Variants in NALF1 observed in about 807,000 individuals in gnomAD.
NALF1 encodes family with sequence similarity 155 member A.
NALF1 carries 3 observed loss-of-function variants against 48.4 expected under a neutral mutation model. The observed-to-expected ratio is 0.06, with a 90% CI of 0.03 to 0.16. The LOEUF (loss-of-function observed/expected upper bound fraction) is 0.16. Among genes scored for constraint, NALF1 ranks in the 10% least tolerant of loss-of-function variants. The pLI is 1.00. For missense variants in NALF1, 526 were observed against 571.5 expected (o/e 0.92, Z 0.81); for synonymous variants, 262 against 245.7 (o/e 1.07, Z -0.62).
intron 1 of NALF1, among the ~76,000 whole-genome samples, chr13:107,777,959 ATT>A (rs1877785302): frequency 6.6e-6 from 1 of 152,310 alleles, no homozygotes; most frequent in African/African-American, 2.4e-5. Context: ...CCTTTGTGAC[ATT>A]GTTTTTACTT....
chr13:107,731,504 T>G (rs1046820680), intron 1 of NALF1, among the ~76,000 whole-genome samples: 2 of 152,124 alleles, frequency 1.3e-5, no homozygotes, highest in African/African-American at 4.8e-5. Context: ...CACCCAGTAT[T>G]AAGTCTAGTA....
chr13:107,790,848 C>G (rs998734318), intron 1 of NALF1, among the ~76,000 whole-genome samples: 8 of 147,554 alleles, frequency 5.4e-5, no homozygotes, highest in African/African-American at 1.2e-4. Context: ...AAATAAAAAT[C>G]TATAAACATA....
intron 1 of NALF1, among the ~76,000 whole-genome samples, chr13:107,631,206 C>A (rs956766433): frequency 2.6e-5 from 4 of 151,950 alleles, no homozygotes; most frequent in Admixed American, 6.6e-5. Flanking sequence ...CTTTGTTGCC[C>A]AGACTTCAAA....
intron 1 of NALF1, among the ~76,000 whole-genome samples, chr13:107,292,198 C>A (rs974382234): frequency 6.6e-6 from 1 of 151,938 alleles, no homozygotes. Context: ...ATTTGTGTAT[C>A]TAAACATAGA....
At chr13:107,655,434 T>C (rs1880551658) in intron 1 of NALF1, among the ~76,000 whole-genome samples, 1 of 152,012 alleles carries the variant, frequency 6.6e-6, no homozygotes, top group Admixed American at 6.6e-5. Context: ...ATAAAGTACT[T>C]AGGAATATAC....
chr13:107,362,193 C>T lies in NALF1; in HGVS notation c.916-151438G>A, dbSNP rs965653553. Among the ~76,000 whole-genome samples, 2 of 152,224 alleles carry T rather than the reference C, an allele frequency of 1.3e-5. No homozygotes were observed. The highest frequency in any genetic ancestry group is 4.8e-5 in the African/African-American group (2 of 41,532). ...CTGATTCTCCAAATGACAAGGTTAC[C>T]TGATGGTGGGGAAAAACGGGGTCAG... On this transcript the variant is annotated intron_variant, in intron 1 of 2. Transcript: ENST00000375915. The surrounding 1 kb of genome is among the most constrained non-coding windows in gnomAD (Gnocchi z 4.6).
chr13:107,741,406 A>T (rs1392711551), intron 1 of NALF1, among the ~76,000 whole-genome samples: 1 of 152,236 alleles, frequency 6.6e-6, no homozygotes, highest in Non-Finnish European at 1.5e-5. Flanking sequence ...AAGTGAAGAT[A>T]TATAAAGGAT....
At chr13:107,247,952 T>C (rs1019747004) in intron 1 of NALF1, among the ~76,000 whole-genome samples, 2 of 152,088 alleles carry the variant, frequency 1.3e-5, no homozygotes, top group Non-Finnish European at 2.9e-5. Flanking sequence ...CGCATTATGG[T>C]GGCTTAGCAA....
chr13:107,712,986 A>T (rs1273666860), intron 1 of NALF1, among the ~76,000 whole-genome samples: 2 of 152,174 alleles, frequency 1.3e-5, no homozygotes, highest in Non-Finnish European at 2.9e-5. Flanking sequence ...TGTTAACCTG[A>T]CACTGGGGAG....
chr13:107,482,666 TG>T (rs1452770069), intron 1 of NALF1, among the ~76,000 whole-genome samples: 2 of 152,090 alleles, frequency 1.3e-5, no homozygotes, highest in Non-Finnish European at 2.9e-5. Context: ...GCATGGGAAA[TG>T]GTCTTGAATA....
At chr13:107,416,727 G>A (rs374140437) in intron 1 of NALF1, among the ~76,000 whole-genome samples, 1 of 152,138 alleles carries the variant, frequency 6.6e-6, no homozygotes, top group Non-Finnish European at 1.5e-5. Context: ...TTCTGAGGGG[G>A]TCTATCCCCA....
intron 2 of NALF1, among the ~76,000 whole-genome samples, chr13:107,209,784 G>C (rs150338508): frequency 6.6e-6 from 1 of 152,070 alleles, no homozygotes; most frequent in Non-Finnish European, 1.5e-5. Context: ...CTTGAGCCAC[G>C]TAATTCCAGG....
intron 1 of NALF1, among the ~76,000 whole-genome samples, chr13:107,244,351 T>C (rs1020084026): frequency 6.6e-6 from 1 of 152,236 alleles, no homozygotes; most frequent in Non-Finnish European, 1.5e-5. Context: ...GAGTTGTGAA[T>C]TAATGCCACA....
chr13:107,266,888 C>A (rs1881049837), intron 1 of NALF1, among the ~76,000 whole-genome samples: 2 of 152,190 alleles, frequency 1.3e-5, no homozygotes, highest in Non-Finnish European at 2.9e-5. Context: ...GCTGGGCTGT[C>A]TGGCAATGCC....
intron 1 of NALF1, among the ~76,000 whole-genome samples, chr13:107,650,863 G>A (rs564504585): frequency 6.6e-6 from 1 of 152,154 alleles, no homozygotes; most frequent in Admixed American, 6.5e-5. Flanking sequence ...GTAAGTGGGG[G>A]CTAAATGATA....
At chr13:107,761,340 G>C (rs1257447129) in intron 1 of NALF1, among the ~76,000 whole-genome samples, 1 of 147,438 alleles carries the variant, frequency 6.8e-6, no homozygotes, top group African/African-American at 2.5e-5. Context: ...CTGAGCGACA[G>C]AGCAGGACTC....
intron 1 of NALF1, among the ~76,000 whole-genome samples, chr13:107,566,079 A>C (rs1050294490): frequency 6.6e-6 from 1 of 152,220 alleles, no homozygotes; most frequent in Non-Finnish European, 1.5e-5. Flanking sequence ...AATTTACCTC[A>C]GTGTAGGTCA....
chr13:107,826,568 A>C (rs966737722), intron 1 of NALF1, among the ~76,000 whole-genome samples: 19 of 152,230 alleles, frequency 1.2e-4, no homozygotes, highest in Non-Finnish European at 7.3e-5. Flanking sequence ...TTTTAGAAAA[A>C]GAGGATGCAG....
At chr13:107,365,898 G>A (rs942403486) in intron 1 of NALF1, among the ~76,000 whole-genome samples, 1 of 152,188 alleles carries the variant, frequency 6.6e-6, no homozygotes, top group Non-Finnish European at 1.5e-5. Context: ...TACATGTCAA[G>A]CACCTTGCTG....
Sources: allele counts gnomAD v4.1 joint callset (sites outside exome capture counted in the v4.1 genomes callset), GRCh38; gene constraint gnomAD v4.1.1; non-coding constraint Gnocchi (gnomAD v3.1); transcripts MANE v1.5; gene names NCBI Gene and HGNC (gene_info 2026-07-23, HGNC 2026-07-21).